Variants in NAV2 observed in about 807,000 individuals in gnomAD.
NAV2 encodes the protein helicase, APC down-regulated 1.
Under a neutral mutation model 223.2 loss-of-function variants are expected in NAV2, and 54 were observed. The observed-to-expected ratio is 0.24, with a 90% CI of 0.19 to 0.30. The LOEUF (loss-of-function observed/expected upper bound fraction) is 0.30. Among genes scored for constraint, NAV2 ranks in the 10% least tolerant of loss-of-function variants. NAV2 has a pLI of 1.00. For synonymous variants in NAV2, 1,279 were observed against 1,239.3 expected, an observed-to-expected ratio of 1.03 and a Z score of -0.67; for missense variants, 2,806 against 3,147.5, an observed-to-expected ratio of 0.89 and a Z score of 2.60.
chr11:19,524,322 C>A (rs1444840076), intron 1 of NAV2, among the ~76,000 whole-genome samples: 1 of 152,204 alleles, frequency 6.6e-6, no homozygotes, highest in Non-Finnish European at 1.5e-5. Flanking sequence ...ACTTGGCCAC[C>A]TTTACCTTTG....
chr11:19,806,368 C>T (rs544754259), intron 1 of NAV2, among the ~76,000 whole-genome samples: 2 of 152,342 alleles, frequency 1.3e-5, no homozygotes, highest in East Asian at 3.9e-4. Context: ...AATTATCCTG[C>T]ATCAGTCACT....
intron 26 of NAV2, among the ~76,000 whole-genome samples, chr11:20,089,910 C>T (rs1261347298): frequency 6.6e-6 from 1 of 152,144 alleles, no homozygotes; most frequent in East Asian, 1.9e-4. Context: ...ACCTGGTGTG[C>T]AGCAGGGAAA....
chr11:19,381,868 A>G (rs1848848858), intron 1 of NAV2, among the ~76,000 whole-genome samples: 1 of 152,226 alleles, frequency 6.6e-6, no homozygotes. Context: ...GGTTCCTTTT[A>G]GAGGGGCCGT....
chr11:19,462,099 G>A (rs557082668), intron 1 of NAV2, among the ~76,000 whole-genome samples: 2 of 152,232 alleles, frequency 1.3e-5, no homozygotes, highest in Admixed American at 1.3e-4. Context: ...GTGAGCCACC[G>A]CACCCAGCCG....
intron 1 of NAV2, among the ~76,000 whole-genome samples, chr11:19,657,510 A>T (rs920723082): frequency 1.3e-5 from 2 of 152,198 alleles, no homozygotes; most frequent in African/African-American, 2.4e-5. Context: ...TATTAGGGAA[A>T]TATGGCCATA....
chr11:19,574,359 AG>A (rs2045511755), intron 1 of NAV2, among the ~76,000 whole-genome samples: 1 of 152,228 alleles, frequency 6.6e-6, no homozygotes. Flanking sequence ...CAGTAACCAC[AG>A]GCCTGGCACT....
chr11:20,074,827 T>C (rs1420715648), intron 22 of NAV2, among the ~76,000 whole-genome samples: 1 of 150,454 alleles, frequency 6.6e-6, no homozygotes, highest in Admixed American at 6.6e-5. Flanking sequence ...TTTGAGCCTA[T>C]GTCTGTCTTT....
chr11:19,911,866 C>T (rs2043345290), intron 6 of NAV2, among the ~76,000 whole-genome samples: 1 of 152,144 alleles, frequency 6.6e-6, no homozygotes, highest in South Asian at 2.1e-4. Context: ...TATTTGTGGA[C>T]ATGGGGAAAC....
At chr11:19,890,728 T>G (rs1452226042) in intron 5 of NAV2, among the ~76,000 whole-genome samples, 2 of 152,284 alleles carry the variant, frequency 1.3e-5, no homozygotes, top group African/African-American at 2.4e-5. Flanking sequence ...TGCAGAACAT[T>G]GTTTGCATTG....
chr11:19,469,365 GC>G (rs2041888907), intron 1 of NAV2, among the ~76,000 whole-genome samples: 3 of 152,226 alleles, frequency 2.0e-5, no homozygotes, highest in African/African-American at 7.2e-5. Flanking sequence ...GTGGAGAATA[GC>G]AAGGGGCTTA....
intron 1 of NAV2, among the ~76,000 whole-genome samples, chr11:19,397,101 G>T (rs961830941): frequency 4.6e-5 from 7 of 152,192 alleles, no homozygotes; most frequent in African/African-American, 1.7e-4. Context: ...AGAACCAGGG[G>T]TGGTTGGCAT....
At chr11:19,916,545 G>A (rs551849663) in intron 6 of NAV2, among the ~76,000 whole-genome samples, 76 of 152,194 alleles carry the variant, frequency 5.0e-4, no homozygotes, top group African/African-American at 1.5e-3. Context: ...TGATCTAATC[G>A]TGTCTGTCTA....
intron 1 of NAV2, among the ~76,000 whole-genome samples, chr11:19,642,849 C>T (rs554435181): frequency 6.6e-6 from 1 of 152,288 alleles, no homozygotes; most frequent in African/African-American, 2.4e-5. Context: ...ATGCTATCAG[C>T]ATGCACCAAC....
chr11:19,773,839 C>A (rs535909914), intron 1 of NAV2, among the ~76,000 whole-genome samples: 17 of 152,308 alleles, frequency 1.1e-4, no homozygotes, highest in Admixed American at 2.6e-4. Flanking sequence ...TTTCAACAGA[C>A]ATCTAATTGG....
chr11:19,485,561 T>G (rs1328916185), intron 1 of NAV2, among the ~76,000 whole-genome samples: 1 of 152,144 alleles, frequency 6.6e-6, no homozygotes, highest in Non-Finnish European at 1.5e-5. Context: ...AGACATAGTC[T>G]CCAGAAATCA....
In NAV2 at chr11:19,428,262, A is replaced by G. The variant is rs116993086; in HGVS notation, c.75+77235A>G. Reference sequence around the variant, plus strand: ...ACACATACACGCATACCATTTCCCAATTTGTTTAAAAGCCTCTGCCCTTTG... The same window carrying G: ...ACACATACACGCATACCATTTCCCAGTTTGTTTAAAAGCCTCTGCCCTTTG... On this transcript the variant is annotated intron_variant, in intron 1 of 37. Transcript: ENST00000360655. Among the ~76,000 whole-genome samples, 80 of 152,276 alleles carry G rather than the reference A, an allele frequency of 5.3e-4. No individual in the cohort carries two copies. In the East Asian group the frequency reaches 0.015, roughly 28 times the overall value.
At position 19,713,779 on chromosome 11, in the gene NAV2, C is replaced by A. The variant is rs11828836; in HGVS notation, c.84C>A (p.Pro28=). ...GCGCCGCGCCCATCCTGCACGTGCC[C>A]CCGGCCCGGGCGGGCCCCCAGCCCT... The part of the protein sequence containing the change: ...VHSAAPILHV[P]PARAGPQPCY... The change falls in exon 1 of 38, where the codon CCC becomes CCA. Residue 28 remains proline, a synonymous_variant. Transcript: ENST00000349880. This position sits in a 1 kb window ranked among gnomAD's most constrained non-coding sequence, Gnocchi z 7.2. The A allele has an allele frequency of 3.6e-3, 5,885 of 1,612,914 alleles. 202 individuals carry two copies. In the African/African-American group the frequency reaches 0.07, roughly 19 times the overall value.
chr11:19,613,521 T>A (rs758982743), intron 1 of NAV2, among the ~76,000 whole-genome samples: 15 of 152,146 alleles, frequency 9.9e-5, no homozygotes, highest in Non-Finnish European at 1.6e-4. Context: ...AGCCATCTCA[T>A]GCCCTAATCA....
chr11:19,994,568 AAG>A (rs2051680893), intron 11 of NAV2, among the ~76,000 whole-genome samples: 1 of 151,860 alleles, frequency 6.6e-6, no homozygotes, highest in Non-Finnish European at 1.5e-5. Context: ...AAAAAAAAAA[AAG>A]AGTAAAAAAA....
Sources: gnomAD v4.1 joint callset for allele counts (sites outside exome capture counted in the v4.1 genomes callset) on GRCh38, gnomAD v4.1.1 for gene constraint, Gnocchi (gnomAD v3.1) non-coding constraint, MANE v1.5 for transcripts, NCBI Gene and HGNC (gene_info 2026-07-23, HGNC 2026-07-21) for gene names.